The following PRTFDC1 variants were observed in gnomAD, a reference collection of about 807,000 sequenced individuals.
PRTFDC1 encodes phosphoribosyl transferase domain containing 1, also known as phosphoribosyltransferase domain-containing protein 1.
A neutral mutation model predicts 34.6 loss-of-function variants in PRTFDC1; 38 were observed. That is an observed-to-expected ratio of 1.10 (90% CI 0.85 to 1.44). The LOEUF (loss-of-function observed/expected upper bound fraction) is 1.44. PRTFDC1 is among the 40% of genes most tolerant of loss of function. The pLI is 0.00. For synonymous variants in PRTFDC1, 93 were observed against 98.1 expected (o/e 0.95, Z 0.31); for missense variants, 270 against 283.0 (o/e 0.95, Z 0.33).
intron 3 of PRTFDC1, among the ~76,000 whole-genome samples, chr10:24,880,613 A>AGTG (rs1848049910): frequency 6.6e-6 from 1 of 152,090 alleles, no homozygotes; most frequent in Non-Finnish European, 1.5e-5. Context: ...AGGTGGACTG[A>AGTG]CCCCATGAGG....
At chr10:24,945,856 C>T (rs980396188) in intron 1 of PRTFDC1, among the ~76,000 whole-genome samples, 18 of 152,192 alleles carry the variant, frequency 1.2e-4, no homozygotes, top group African/African-American at 4.3e-4. Flanking sequence ...CTCTGGCTGC[C>T]ACCCTGAGAA....
chr10:24,924,484 A>G (rs1452202710), intron 3 of PRTFDC1, among the ~76,000 whole-genome samples: 1 of 152,216 alleles, frequency 6.6e-6, no homozygotes, highest in Admixed American at 6.5e-5. Context: ...ATCTAATTAA[A>G]CTAAAGAGCT....
chr10:24,877,077 A>C (rs183078791), intron 3 of PRTFDC1, among the ~76,000 whole-genome samples: 6 of 152,228 alleles, frequency 3.9e-5, no homozygotes, highest in African/African-American at 1.4e-4. Context: ...CCTTTCAGGA[A>C]TTTGTGGCAC....
chr10:24,934,383 T>G (rs1185072853), intron 3 of PRTFDC1, among the ~76,000 whole-genome samples: 1 of 152,170 alleles, frequency 6.6e-6, no homozygotes, highest in Non-Finnish European at 1.5e-5. Flanking sequence ...CATTCCAAAG[T>G]TAACCTGAAA....
intron 3 of PRTFDC1, among the ~76,000 whole-genome samples, chr10:24,932,854 C>G (rs1848991271): frequency 6.6e-6 from 1 of 152,036 alleles, no homozygotes; most frequent in South Asian, 2.1e-4. Flanking sequence ...AGTTGGAGGA[C>G]ACATACTACT....
intron 3 of PRTFDC1, among the ~76,000 whole-genome samples, chr10:24,912,662 C>T (rs1034319569): frequency 1.3e-5 from 2 of 152,020 alleles, no homozygotes; most frequent in Non-Finnish European, 2.9e-5. Context: ...ATACGTTTTG[C>T]AAATATTTTC....
intron 6 of PRTFDC1, among the ~76,000 whole-genome samples, chr10:24,856,309 G>A (rs906752182): frequency 6.6e-6 from 1 of 151,004 alleles, no homozygotes; most frequent in African/African-American, 2.4e-5. Context: ...AAAAAGGGCC[G>A]GGTGCAGTGG....
intron 3 of PRTFDC1, among the ~76,000 whole-genome samples, chr10:24,931,919 A>AAAC (rs1554765809): frequency 6.6e-6 from 1 of 150,882 alleles, no homozygotes; most frequent in African/African-American, 2.4e-5. Flanking sequence ...ATAAGAAAAA[A>AAAC]AAAAAACAAA....
intron 2 of PRTFDC1, among the ~76,000 whole-genome samples, chr10:24,939,816 G>GA (rs1266939578): frequency 2.6e-5 from 3 of 113,860 alleles, no homozygotes; most frequent in African/African-American, 1.0e-4. Context: ...AAAAAAAAAA[G>GA]AAAAAGAAAC....
At chr10:24,917,712 T>C (rs529794989) in intron 3 of PRTFDC1, among the ~76,000 whole-genome samples, 18 of 152,266 alleles carry the variant, frequency 1.2e-4, no homozygotes, top group South Asian at 2.1e-4. Flanking sequence ...CAGATGGATT[T>C]ACTAGTGGAT....
chr10:24,877,530 G>A (rs1298863437), intron 3 of PRTFDC1, among the ~76,000 whole-genome samples: 3 of 152,210 alleles, frequency 2.0e-5, no homozygotes, highest in African/African-American at 7.2e-5. Context: ...CTAGCTTCAT[G>A]TAATAAGTTG....
intron 7 of PRTFDC1, among the ~76,000 whole-genome samples, chr10:24,854,174 T>A (rs1270178357): frequency 6.6e-6 from 1 of 152,234 alleles, no homozygotes; most frequent in African/African-American, 2.4e-5. Context: ...AAGAAATTTG[T>A]CATTGAAGTG....
intron 3 of PRTFDC1, among the ~76,000 whole-genome samples, chr10:24,903,221 G>GA (rs1236225171): frequency 2.0e-5 from 3 of 151,946 alleles, no homozygotes; most frequent in African/African-American, 7.2e-5. Context: ...AAAAAAGTAA[G>GA]AAAAAAGAAA....
At chr10:24,913,266 C>T (rs561783441) in intron 3 of PRTFDC1, among the ~76,000 whole-genome samples, 3 of 152,308 alleles carry the variant, frequency 2.0e-5, no homozygotes, top group African/African-American at 4.8e-5. Flanking sequence ...CTTAGGTTAG[C>T]TATCATTTTG....
chr10:24,947,202 CA>C (rs1432750231), intron 1 of PRTFDC1, among the ~76,000 whole-genome samples: 3 of 152,050 alleles, frequency 2.0e-5, no homozygotes, highest in Admixed American at 6.5e-5. Context: ...TTCTATAATC[CA>C]AATTGGCCAT....
chr10:24,943,199 A>T (rs1442137495), intron 1 of PRTFDC1, among the ~76,000 whole-genome samples: 2 of 151,958 alleles, frequency 1.3e-5, no homozygotes, highest in African/African-American at 4.8e-5. Flanking sequence ...AAGATTTCTT[A>T]TTAAAAGTAC....
intron 4 of PRTFDC1, among the ~76,000 whole-genome samples, chr10:24,865,071 G>A (rs1005770332): frequency 1.1e-4 from 16 of 152,118 alleles, no homozygotes; most frequent in Non-Finnish European, 8.8e-5. Flanking sequence ...AGCTGAGATC[G>A]TGCCACTGCA....
intron 4 of PRTFDC1, chr10:24,868,204 G>A (rs1167007830): frequency 1.3e-5 from 2 of 152,336 alleles, no homozygotes; most frequent in Non-Finnish European, 2.9e-5. Context: ...TGTTGCCCTT[G>A]GGGGGCCCTT....
At chr10:24,908,495 T>C (rs757937634) in intron 3 of PRTFDC1, 3 of 1,611,552 alleles carry the variant, frequency 1.9e-6, no homozygotes, top group Non-Finnish European at 2.5e-6. Context: ...CCTCACTGGA[T>C]CTCAGACCTA....
Sources: allele counts gnomAD v4.1 joint callset (sites outside exome capture counted in the v4.1 genomes callset), GRCh38; gene constraint gnomAD v4.1.1; transcripts MANE v1.5; gene names NCBI Gene and HGNC (gene_info 2026-07-23, HGNC 2026-07-21).